Variants in SYT16 observed in about 807,000 individuals in gnomAD.
SYT16 encodes the protein synaptotagmin-16.
SYT16 carries 42 observed loss-of-function variants against 61.4 expected under a neutral mutation model. That is an observed-to-expected ratio of 0.68 (90% CI 0.53 to 0.89). SYT16 has a LOEUF of 0.89. SYT16 is among the 40% of genes least tolerant of loss of function. SYT16 has a pLI of 0.00. For synonymous variants in SYT16, 314 were observed against 302.3 expected, an observed-to-expected ratio of 1.04 and a Z score of -0.40; for missense variants, 804 against 807.3, an observed-to-expected ratio of 1.00 and a Z score of 0.05.
At position 61,841,543 on chromosome 14, in the gene SYT16, CA is replaced by C. The variant is rs528431407; in HGVS notation, c.-325+28734del. Among the ~76,000 whole-genome samples the C allele has an allele frequency of 1.4e-3, 208 of 152,184 alleles. 1 individual carries two copies. Among genetic ancestry groups the C allele is most frequent in the Admixed American group, 4.0e-3 (61 of 15,280 alleles). ...AATTTTAATTATTTTATTTTAGATT[CA>C]GGGGGTATATGTGCCTGTTACATGG... is the stretch of plus-strand genomic sequence containing the variant. On this transcript the variant is annotated intron_variant, in intron 1 of 7. Transcript: ENST00000683842.
chr14:61,990,581 C>T (rs1423058451), intron 2 of SYT16, among the ~76,000 whole-genome samples: 2 of 152,188 alleles, frequency 1.3e-5, no homozygotes, highest in African/African-American at 4.8e-5. Flanking sequence ...GTCTGACTTT[C>T]TCCAGGAGTT....
chr14:62,046,723 T>C (rs2055004563), intron 3 of SYT16, among the ~76,000 whole-genome samples: 1 of 152,260 alleles, frequency 6.6e-6, no homozygotes, highest in Admixed American at 6.5e-5. Context: ...CCTTTCCCCA[T>C]TTCTTGTTTT....
At chr14:62,074,127 G>A (rs2056396671) in intron 4 of SYT16, among the ~76,000 whole-genome samples, 1 of 152,210 alleles carries the variant, frequency 6.6e-6, no homozygotes, top group Non-Finnish European at 1.5e-5. Flanking sequence ...TTGGGTGTGG[G>A]AGGCAAATAG....
intron 1 of SYT16, among the ~76,000 whole-genome samples, chr14:61,842,244 G>A (rs911223320): frequency 6.6e-4 from 101 of 152,238 alleles, no homozygotes; most frequent in Non-Finnish European, 2.8e-4. Context: ...TAGTTACCCT[G>A]TTGTGCTAGC....
In SYT16 at chr14:62,100,283, A is replaced by G. The variant is rs2057387431; in HGVS notation, c.1625-111A>G. ...ACCAGGCTTAAGGATACTGATCAGTATGTTGAAAGGAGAAATTTGTAGCCC... is the reference window on the plus strand; with the variant it reads ...ACCAGGCTTAAGGATACTGATCAGTGTGTTGAAAGGAGAAATTTGTAGCCC... On this transcript the variant is annotated intron_variant, in intron 7 of 7. Transcript: ENST00000683842. 4 of 894,332 alleles carry G rather than the reference A, an allele frequency of 4.5e-6. No homozygotes were observed. The East Asian group carries it at 1.1e-4, about 24-fold the overall frequency. The allele number at this position is 894,332 out of a possible 1,614,324, so 55.4% of individuals were successfully genotyped here.
intron 1 of SYT16, among the ~76,000 whole-genome samples, chr14:61,864,304 C>T (rs1018849877): frequency 2.0e-5 from 3 of 152,176 alleles, no homozygotes; most frequent in African/African-American, 7.2e-5. Flanking sequence ...GCCCTTTTGG[C>T]GGAGCAGGAA....
rs755347969 is a variant in SYT16 at position 61,996,064 on chromosome 14, G to A, written c.45G>A (p.Gln15=). 71 of 1,610,196 alleles carry A rather than the reference G, an allele frequency of 4.4e-5. No individual in the cohort carries two copies. The South Asian group carries it at 7.7e-4, about 18-fold the overall frequency. Residue 15 remains glutamine (Q), a synonymous_variant, in exon 3 of 8, where the codon CAG becomes CAA. Transcript: ENST00000683842. ...MASQDVQNFF[Q]PFSSWISRVY... ...CTCAGGATGTTCAGAACTTCTTCCA[G>A]CCTTTCTCTTCCTGGATATCTCGGG...
Position 62,069,768 on chromosome 14 carries a change from C to T in SYT16, c.689C>T (p.Ser230Leu), listed in dbSNP as rs374283682. ...GAGCAGAAACCAAAATTCAGCCGTT[C>T]GTTGTTGACACACGGAGAAGATGGC... ...GLEQKPKFSRSLLTHGEDGTE... is the reference protein window; with the variant it reads ...GLEQKPKFSRLLLTHGEDGTE... Residue 230 changes from serine to leucine, a missense_variant, in exon 4 of 8, where the codon TCG (serine) becomes TTG (leucine). Coordinates refer to ENST00000683842, the MANE Select transcript of SYT16 (RefSeq NM_001367656.1). 2.4e-5 allele frequency: 39 copies of T among 1,613,856 alleles called. No individual in the cohort carries two copies. The highest frequency in any genetic ancestry group is 1.6e-4 in the Middle Eastern group (1 of 6,082).
intron 1 of SYT16, among the ~76,000 whole-genome samples, chr14:61,915,310 A>AT (rs879612856): frequency 4.6e-5 from 7 of 151,996 alleles, no homozygotes; most frequent in South Asian, 2.1e-4. Context: ...AGAAGATTGA[A>AT]TTTTTTTTAA....
chr14:61,885,379 T>G (rs2047859791), intron 1 of SYT16, among the ~76,000 whole-genome samples: 1 of 150,906 alleles, frequency 6.6e-6, no homozygotes, highest in Non-Finnish European at 1.5e-5. Flanking sequence ...GCATGGCAGA[T>G]ATGATGATGA....
chr14:61,877,577 C>A (rs1460652714), intron 1 of SYT16, among the ~76,000 whole-genome samples: 1 of 152,178 alleles, frequency 6.6e-6, no homozygotes, highest in Non-Finnish European at 1.5e-5. Context: ...AAGTCAGTCC[C>A]ATTTTTCTCC....
At chr14:61,953,120 CTGTTT>C (rs2050737937) in intron 1 of SYT16, among the ~76,000 whole-genome samples, 1 of 152,068 alleles carries the variant, frequency 6.6e-6, no homozygotes, top group Admixed American at 6.5e-5. Context: ...GTAACTTGTT[CTGTTT>C]TAATTTTTAA....
chr14:61,813,499 G>C lies in SYT16; in HGVS notation c.-325+689G>C, dbSNP rs540717468. Among the ~76,000 whole-genome samples, 3 of 152,350 alleles carry C rather than the reference G, an allele frequency of 2.0e-5. No homozygotes were observed. In the South Asian group the frequency reaches 6.2e-4, roughly 32 times the overall value. On this transcript the variant is annotated intron_variant, in intron 1 of 7. Transcript: ENST00000683842. ...GTTAGTTGCGTTTGAAGCCAGATAC[G>C]TATTAGTGAAGCTTCAAAGGGAGTT...
At chr14:61,934,242 A>G (rs78358954) in intron 1 of SYT16, among the ~76,000 whole-genome samples, 30,949 of 152,024 alleles carry the variant, frequency 0.2, 4,095 homozygotes, top group Non-Finnish European at 0.28. Flanking sequence ...GTTGATTTCT[A>G]TTTTTCTATT....
chr14:61,885,747 G>C (rs2047874828), intron 1 of SYT16, among the ~76,000 whole-genome samples: 3 of 152,102 alleles, frequency 2.0e-5, no homozygotes, highest in Admixed American at 1.3e-4. Context: ...GCGTATAAAA[G>C]TTATGTTTAC....
chr14:61,839,681 T>A (rs1021581497), intron 1 of SYT16, among the ~76,000 whole-genome samples: 1 of 152,154 alleles, frequency 6.6e-6, no homozygotes, highest in Non-Finnish European at 1.5e-5. Context: ...GTGAACTGGG[T>A]TGGAGCCCAA....
intron 1 of SYT16, among the ~76,000 whole-genome samples, chr14:61,898,133 A>G (rs1357275016): frequency 1.3e-5 from 2 of 152,196 alleles, no homozygotes; most frequent in Non-Finnish European, 2.9e-5. Flanking sequence ...AAAATGTGCC[A>G]ATTCTTAGCT....
chr14:61,877,165 GTCT>G (rs952678805), intron 1 of SYT16, among the ~76,000 whole-genome samples: 3 of 152,152 alleles, frequency 2.0e-5, no homozygotes, highest in African/African-American at 7.2e-5. Context: ...TGGTCCTTGG[GTCT>G]TCTTCCCTCC....
chr14:61,906,679 A>G (rs952429576), intron 1 of SYT16, among the ~76,000 whole-genome samples: 1 of 152,054 alleles, frequency 6.6e-6, no homozygotes, highest in African/African-American at 2.4e-5. Flanking sequence ...ATGAACAGCT[A>G]CACTAACTCA....
Sources: gnomAD v4.1 joint callset for allele counts (sites outside exome capture counted in the v4.1 genomes callset) on GRCh38, gnomAD v4.1.1 for gene constraint, MANE v1.5 for transcripts, NCBI Gene and HGNC (gene_info 2026-07-23, HGNC 2026-07-21) for gene names.